Variants in SAMD5 observed in about 807,000 individuals in gnomAD.
The protein encoded by SAMD5 is sterile alpha motif domain-containing protein 5.
Under a neutral mutation model 11.3 loss-of-function variants are expected in SAMD5, and 13 were observed. That is an observed-to-expected ratio of 1.15 (90% confidence interval 0.75 to 1.83). The LOEUF (loss-of-function observed/expected upper bound fraction) is 1.83, where lower values mean the gene tolerates loss of function less well. Among genes scored for constraint, SAMD5 ranks in the 40% most tolerant of loss-of-function variants. The pLI is 0.00. For missense variants in SAMD5, 255 were observed against 239.1 expected (o/e 1.07, Z -0.44); for synonymous variants, 129 against 111.3 (o/e 1.16, Z -1.00).
At position 147,509,135 on chromosome 6, in the gene SAMD5, C is replaced by A; in HGVS notation, c.207C>A (p.Ala69=). The change falls in exon 1 of 2, where the codon GCC becomes GCA. Residue 69 remains alanine, a synonymous_variant. Coordinates refer to ENST00000367474, the MANE Select transcript of SAMD5 (RefSeq NM_001030060.3). ...VRRLREQDAN[A]AGLYFTLEPQ... is the part of the protein sequence containing the mutation. ...GGCTGCGGGAGCAGGACGCCAACGC[C>A]GCCGGCCTCTACTTCACGCTTGAGC... The A allele has an allele frequency of 1.3e-6, 2 of 1,552,196 alleles. No individual in the cohort carries two copies. Among genetic ancestry groups the A allele is most frequent in the Non-Finnish European group, 1.7e-6 (2 of 1,151,872 alleles).
At chr6:147,815,458 G>A in the SAMD5 span, among the ~76,000 whole-genome samples, 1 of 152,162 alleles carries the variant, frequency 6.6e-6, no homozygotes, top group South Asian at 2.1e-4. Context: ...GCAAGTATAG[G>A]AAAAGAGGGC....
chr6:147,646,026 GTATCTATCTATCTATC>G (rs200304460), intron 1 of SAMD5, among the ~76,000 whole-genome samples: 293 of 52,372 alleles, frequency 5.6e-3, no homozygotes, highest in South Asian at 9.2e-3. Context: ...ATCTATCTAT[GTATCTATCTATCTATC>G]TATCTATCTA....
At chr6:147,674,990 C>A (rs532248030) in intron 1 of SAMD5, among the ~76,000 whole-genome samples, 56 of 152,330 alleles carry the variant, frequency 3.7e-4, no homozygotes, top group African/African-American at 1.3e-3. Flanking sequence ...AATAATTGAG[C>A]ACTGCAGTCT....
the SAMD5 span, among the ~76,000 whole-genome samples, chr6:147,789,391 A>G: frequency 6.6e-6 from 1 of 152,086 alleles, no homozygotes; most frequent in African/African-American, 2.4e-5. Flanking sequence ...AGCACTTCCT[A>G]TTCATGCTTC....
the SAMD5 span, among the ~76,000 whole-genome samples, chr6:147,934,650 G>C: frequency 6.6e-6 from 1 of 152,220 alleles, no homozygotes. Flanking sequence ...GGGAAAGTGA[G>C]AGAGGATTGA....
At chr6:147,542,385 C>G (rs1200808952) in intron 1 of SAMD5, among the ~76,000 whole-genome samples, 1 of 152,172 alleles carries the variant, frequency 6.6e-6, no homozygotes, top group African/African-American at 2.4e-5. Flanking sequence ...AGAGCCGATT[C>G]AACAAGACAG....
the SAMD5 span, among the ~76,000 whole-genome samples, chr6:147,821,616 A>AT: frequency 1.3e-5 from 2 of 152,220 alleles, no homozygotes; most frequent in Non-Finnish European, 2.9e-5. Flanking sequence ...GTCTGTAATC[A>AT]GTTTGAGATT....
the SAMD5 span, among the ~76,000 whole-genome samples, chr6:147,934,063 C>T: frequency 6.6e-6 from 1 of 152,140 alleles, no homozygotes; most frequent in South Asian, 2.1e-4. Context: ...AGGCATAATT[C>T]CCCCACCCAC....
At chr6:147,662,154 GTT>G (rs546300324) in intron 1 of SAMD5, among the ~76,000 whole-genome samples, 4,743 of 152,300 alleles carry the variant, frequency 0.031, 254 homozygotes, top group African/African-American at 0.11. Context: ...TGGTGAGCAT[GTT>G]TCTTTGGTGT....
chr6:147,870,033 G>A, the SAMD5 span, among the ~76,000 whole-genome samples: 1 of 152,034 alleles, frequency 6.6e-6, no homozygotes, highest in Admixed American at 6.6e-5. Context: ...AATTATTAAT[G>A]GGATTTTTTA....
At chr6:147,922,288 A>G in the SAMD5 span, among the ~76,000 whole-genome samples, 1 of 152,124 alleles carries the variant, frequency 6.6e-6, no homozygotes, top group East Asian at 1.9e-4. Flanking sequence ...AGATCTGACA[A>G]TATCTGGTAC....
At chr6:147,775,002 A>T in the SAMD5 span, among the ~76,000 whole-genome samples, 1 of 152,108 alleles carries the variant, frequency 6.6e-6, no homozygotes, top group African/African-American at 2.4e-5. Flanking sequence ...GAAGTCCCTA[A>T]ACAAAGCCAG....
chr6:147,700,787 G>C (rs1791243655), intron 1 of SAMD5, among the ~76,000 whole-genome samples: 1 of 152,142 alleles, frequency 6.6e-6, no homozygotes. Context: ...GAAGGATAAG[G>C]GCAAATGTGA....
intron 1 of SAMD5, among the ~76,000 whole-genome samples, chr6:147,538,416 T>C (rs1467894628): frequency 2.0e-5 from 3 of 152,236 alleles, no homozygotes; most frequent in Admixed American, 6.5e-5. Flanking sequence ...TATAATCTTT[T>C]AACAAAAACA....
chr6:147,895,271 T>C, the SAMD5 span, among the ~76,000 whole-genome samples: 1 of 151,984 alleles, frequency 6.6e-6, no homozygotes, highest in South Asian at 2.1e-4. Context: ...CATGATTTTT[T>C]TTTCCCCTGG....
chr6:147,726,806 G>T (rs1791635778), intron 1 of SAMD5, among the ~76,000 whole-genome samples: 1 of 152,180 alleles, frequency 6.6e-6, no homozygotes, highest in East Asian at 1.9e-4. Context: ...TGGGCGGAGG[G>T]CTTACGGCAG....
chr6:147,713,581 T>C (rs1459488630), intron 1 of SAMD5, among the ~76,000 whole-genome samples: 4 of 152,096 alleles, frequency 2.6e-5, no homozygotes, highest in Non-Finnish European at 4.4e-5. Context: ...ATGCATAAGC[T>C]GTAGGAGCAG....
chr6:147,614,633 G>A (rs1789838930), intron 1 of SAMD5, among the ~76,000 whole-genome samples: 1 of 151,870 alleles, frequency 6.6e-6, no homozygotes, highest in African/African-American at 2.4e-5. Context: ...ACTAATCTGT[G>A]GTGTAGGAAG....
At chr6:147,951,890 A>C in the SAMD5 span, among the ~76,000 whole-genome samples, 5 of 152,288 alleles carry the variant, frequency 3.3e-5, no homozygotes, top group East Asian at 3.9e-4. Flanking sequence ...TAGCATAGTA[A>C]TGTTTCAGAT....
Sources: gnomAD v4.1 joint callset for allele counts (sites outside exome capture counted in the v4.1 genomes callset) on GRCh38, gnomAD v4.1.1 for gene constraint, MANE v1.5 for transcripts, NCBI Gene and HGNC (gene_info 2026-07-23, HGNC 2026-07-21) for gene names.